The following LMX1A variants were observed in gnomAD, a reference collection of about 807,000 sequenced individuals.
The protein encoded by LMX1A is LIM homeobox transcription factor 1 alpha, also known as LIM homeobox transcription factor 1-alpha.
Under a neutral mutation model 49.1 loss-of-function variants are expected in LMX1A, and 15 were observed. The ratio of observed to expected loss-of-function variants is 0.31; its 90% CI spans 0.20 to 0.47. The LOEUF (loss-of-function observed/expected upper bound fraction) is 0.47. LMX1A is among the 20% of genes least tolerant of loss of function. LMX1A has a pLI of 1.00. For synonymous variants in LMX1A, 167 were observed against 185.7 expected (o/e 0.90, Z 0.82); for missense variants, 372 against 475.8 (o/e 0.78, Z 2.03).
chr1:165,279,354 C>A (rs890146469), intron 3 of LMX1A, among the ~76,000 whole-genome samples: 2 of 152,214 alleles, frequency 1.3e-5, no homozygotes, highest in Non-Finnish European at 2.9e-5. Flanking sequence ...TTGGAAGAAG[C>A]ACCAGAGTGC....
intron 3 of LMX1A, among the ~76,000 whole-genome samples, chr1:165,257,516 C>T (rs1653293200): frequency 6.6e-6 from 1 of 152,180 alleles, no homozygotes; most frequent in South Asian, 2.1e-4. Flanking sequence ...TGAAAGAGGC[C>T]TACCCTCTAT....
intron 3 of LMX1A, among the ~76,000 whole-genome samples, chr1:165,279,850 C>T (rs993359334): frequency 1.3e-5 from 2 of 152,024 alleles, no homozygotes; most frequent in Non-Finnish European, 2.9e-5. Context: ...TTGAGAGAGT[C>T]GTTTACATGA....
intron 3 of LMX1A, among the ~76,000 whole-genome samples, chr1:165,275,584 C>T (rs1255410010): frequency 6.6e-6 from 1 of 152,198 alleles, no homozygotes; most frequent in African/African-American, 2.4e-5. Flanking sequence ...TGCCCCCCAT[C>T]ATATCCAGTT....
At chr1:165,208,591 C>T (rs963155147) in intron 6 of LMX1A, among the ~76,000 whole-genome samples, 7 of 152,224 alleles carry the variant, frequency 4.6e-5, no homozygotes, top group Non-Finnish European at 2.9e-5. Flanking sequence ...AGATTCATGC[C>T]TCTTCCAAAG....
At chr1:165,274,652 G>C (rs113663803) in intron 3 of LMX1A, among the ~76,000 whole-genome samples, 5 of 152,200 alleles carry the variant, frequency 3.3e-5, no homozygotes, top group African/African-American at 9.6e-5. Context: ...CCCTCATAAA[G>C]AGCTGTGGGA....
At chr1:165,255,828 C>T (rs1653215619) in intron 3 of LMX1A, among the ~76,000 whole-genome samples, 1 of 152,064 alleles carries the variant, frequency 6.6e-6, no homozygotes, top group Non-Finnish European at 1.5e-5. Context: ...ACAAAATTAG[C>T]CAGGCATAGT....
At chr1:165,316,062 T>A (rs1378860617) in intron 3 of LMX1A, among the ~76,000 whole-genome samples, 1 of 152,204 alleles carries the variant, frequency 6.6e-6, no homozygotes, top group Non-Finnish European at 1.5e-5. Context: ...GATGGGTGCA[T>A]AGACACCCCC....
intron 3 of LMX1A, among the ~76,000 whole-genome samples, chr1:165,281,571 G>A (rs144320823): frequency 7.3e-4 from 111 of 152,326 alleles, no homozygotes; most frequent in African/African-American, 2.6e-3. Context: ...AACTTGCATT[G>A]GAGGAAAGGT....
At chr1:165,205,131 A>C (rs1180567864) in intron 8 of LMX1A, among the ~76,000 whole-genome samples, 6 of 152,234 alleles carry the variant, frequency 3.9e-5, no homozygotes, top group Non-Finnish European at 5.9e-5. Flanking sequence ...CTATCAGATT[A>C]CACAGTACAG....
At chr1:165,233,912 T>A (rs1557857971) in intron 4 of LMX1A, among the ~76,000 whole-genome samples, 1 of 152,208 alleles carries the variant, frequency 6.6e-6, no homozygotes, top group Non-Finnish European at 1.5e-5. Context: ...CTCTAAGGTC[T>A]GCCTTTGTTC....
chr1:165,259,786 G>T (rs1225874126), intron 3 of LMX1A, among the ~76,000 whole-genome samples: 2 of 152,110 alleles, frequency 1.3e-5, no homozygotes, highest in Admixed American at 6.6e-5. Flanking sequence ...GAGATGAAAA[G>T]GTACTCCTCC....
chr1:165,290,245 C>G (rs147639813), intron 3 of LMX1A, among the ~76,000 whole-genome samples: 2 of 152,208 alleles, frequency 1.3e-5, no homozygotes, highest in South Asian at 4.1e-4. Context: ...TTTATTCTCT[C>G]GCGGTTCTAG....
At chr1:165,231,400 C>T (rs1249549307) in intron 4 of LMX1A, among the ~76,000 whole-genome samples, 1 of 151,894 alleles carries the variant, frequency 6.6e-6, no homozygotes, top group East Asian at 1.9e-4. Context: ...AACTCCTAGG[C>T]TCAACCATCC....
chr1:165,300,905 GC>G (rs1470204193), intron 3 of LMX1A, among the ~76,000 whole-genome samples: 1 of 152,174 alleles, frequency 6.6e-6, no homozygotes, highest in Non-Finnish European at 1.5e-5. Context: ...CCACTGGGGA[GC>G]TAAAGTAGAG....
chr1:165,300,284 G>C lies in LMX1A; in HGVS notation c.264-50644C>G, dbSNP rs1219311607. On this transcript the variant is annotated intron_variant, in intron 3 of 8. Coordinates refer to ENST00000342310, the MANE Select transcript of LMX1A (RefSeq NM_177398.4). ...CAACTTTAGGCCCGATGTGTGACCT[G>C]TTTACTTAACTACCCACTTAACCTT... Among the ~76,000 whole-genome samples, 3 of 152,278 alleles carry C rather than the reference G, an allele frequency of 2.0e-5. No individual in the cohort carries two copies. In the South Asian group the frequency reaches 6.2e-4, roughly 32 times the overall value.
At chr1:165,250,794 CA>C (rs1653029631) in intron 3 of LMX1A, among the ~76,000 whole-genome samples, 3 of 151,966 alleles carry the variant, frequency 2.0e-5, no homozygotes, top group South Asian at 2.1e-4. Context: ...AGGGAGTGAG[CA>C]GGGGGTGCAT....
At chr1:165,284,118 C>T (rs1337875322) in intron 3 of LMX1A, among the ~76,000 whole-genome samples, 2 of 152,196 alleles carry the variant, frequency 1.3e-5, no homozygotes, top group Non-Finnish European at 1.5e-5. Flanking sequence ...ATTGCACAGG[C>T]GATGCCAAAC....
At chr1:165,225,656 A>G (rs1652009696) in intron 4 of LMX1A, among the ~76,000 whole-genome samples, 1 of 152,226 alleles carries the variant, frequency 6.6e-6, no homozygotes, top group Non-Finnish European at 1.5e-5. Flanking sequence ...TTTCAAAATG[A>G]GCATGTCCCC....
chr1:165,321,189 G>A (rs1655375873), intron 3 of LMX1A, among the ~76,000 whole-genome samples: 1 of 152,156 alleles, frequency 6.6e-6, no homozygotes, highest in East Asian at 1.9e-4. Flanking sequence ...GTCCACAATA[G>A]GCAAATCCAT....
Sources: allele counts gnomAD v4.1 joint callset (sites outside exome capture counted in the v4.1 genomes callset), GRCh38; gene constraint gnomAD v4.1.1; transcripts MANE v1.5; gene names NCBI Gene and HGNC (gene_info 2026-07-23, HGNC 2026-07-21).